DAAM1: variants seen among roughly 807,000 people sequenced by gnomAD.
DAAM1 encodes disheveled-associated activator of morphogenesis 1.
A neutral mutation model predicts 130.0 loss-of-function variants in DAAM1; 52 were observed. The observed-to-expected ratio is 0.40, with a 90% CI of 0.32 to 0.50. The LOEUF is 0.50. Among genes scored for constraint, DAAM1 ranks in the 20% least tolerant of loss-of-function variants. DAAM1 has a pLI of 0.61. For missense variants in DAAM1, 1,134 were observed against 1,303.8 expected (o/e 0.87, Z 2.01); for synonymous variants, 452 against 444.5 (o/e 1.02, Z -0.21).
chr14:59,326,064 C>G lies in DAAM1; in HGVS notation c.1161C>G (p.Cys387Trp). ...ATTTCATGTCCATCCTGCACCACTG[C>G]CTCCAAATGCCTTGTAAGTGTGTTC... ...YPHFMSILHH[C>W]LQMPYKRSGN... The change falls in exon 10 of 25, where the codon TGC becomes TGG. Residue 387 changes from cysteine (C) to tryptophan (W), a missense_variant. Around this residue, in one of 3 missense-constraint regions of DAAM1, gnomAD observed 391 missense variants for 521.6 expected, o/e 0.75. Coordinates refer to ENST00000360909, the MANE Select transcript of DAAM1 (RefSeq NM_001270520.2). 1 of 1,614,022 alleles carries G rather than the reference C, an allele frequency of 6.2e-7. No individual in the cohort carries two copies. Among genetic ancestry groups the G allele is most frequent in the South Asian group, 1.1e-5 (1 of 91,080 alleles).
chr14:59,224,680 G>A (rs1015415507), intron 1 of DAAM1, among the ~76,000 whole-genome samples: 1 of 152,240 alleles, frequency 6.6e-6, no homozygotes, highest in Non-Finnish European at 1.5e-5. Context: ...TGGAATTAAT[G>A]TATTTTGCAC....
chr14:59,363,653 G>A lies in DAAM1; in HGVS notation c.2697G>A (p.Glu899=), dbSNP rs1210609798. 2 of 1,614,060 alleles carry A rather than the reference G, an allele frequency of 1.2e-6. No homozygotes were observed. The highest frequency in any genetic ancestry group is 1.7e-4 in the Middle Eastern group (1 of 6,060). ...LRSGLKAVET[E]LEYQKSQPPQ... ...ATTATTCATTTCCTGTGTTTAAGGA[G>A]CTGGAATATCAGAAGTCTCAGCCCC... Residue 899 remains glutamate (E), a splice_region_variant and synonymous_variant, in exon 23 of 25, where the codon GAG becomes GAA. Coordinates refer to ENST00000360909, the MANE Select transcript of DAAM1 (RefSeq NM_001270520.2).
At chr14:59,302,241 G>A (rs1315510228) in intron 3 of DAAM1, among the ~76,000 whole-genome samples, 1 of 152,184 alleles carries the variant, frequency 6.6e-6, no homozygotes, top group Non-Finnish European at 1.5e-5. Context: ...TGCACTCCCT[G>A]TAACTGGGGA....
At chr14:59,364,136 G>T (rs1288727867) in intron 23 of DAAM1, among the ~76,000 whole-genome samples, 1 of 152,190 alleles carries the variant, frequency 6.6e-6, no homozygotes, top group Non-Finnish European at 1.5e-5. Context: ...AACCAGAAAA[G>T]AGTAGATGAT....
At position 59,324,351 on chromosome 14, in the gene DAAM1, G is replaced by C. The variant is rs1011536299; in HGVS notation, c.886G>C (p.Glu296Gln). ...NAVLSQGAGV[E>Q]SLDFRLHLRY... ...TATTTTATTGCCATTTTACTTTCAG[G>C]AGAGTTTGGACTTTAGACTTCATCT... Residue 296 changes from glutamate to glutamine, a missense_variant and splice_region_variant, in exon 8 of 25, where the codon GAG (glutamate) becomes CAG (glutamine). By Grantham distance (29) the Glu-to-Gln change is conservative. This residue lies in a region of DAAM1 where 391 missense variants were observed against 521.6 expected (regional missense o/e 0.75). Transcript: ENST00000360909. 1 of 1,561,320 alleles carries C rather than the reference G, an allele frequency of 6.4e-7. No individual in the cohort carries two copies. Among genetic ancestry groups the C allele is most frequent in the Non-Finnish European group, 8.7e-7 (1 of 1,153,482 alleles).
intron 16 of DAAM1, among the ~76,000 whole-genome samples, chr14:59,340,505 T>C (rs1885803168): frequency 6.6e-6 from 1 of 152,250 alleles, no homozygotes; most frequent in Non-Finnish European, 1.5e-5. Context: ...GATATTTTGG[T>C]CATTTAGTAG....
intron 2 of DAAM1, among the ~76,000 whole-genome samples, chr14:59,285,522 G>A (rs1407545072): frequency 6.6e-6 from 1 of 152,196 alleles, no homozygotes; most frequent in African/African-American, 2.4e-5. Flanking sequence ...CCCACTGTCT[G>A]CTGCCTTCAA....
intron 1 of DAAM1, among the ~76,000 whole-genome samples, chr14:59,215,278 G>A (rs973492976): frequency 6.6e-6 from 1 of 152,202 alleles, no homozygotes; most frequent in Non-Finnish European, 1.5e-5. Context: ...AGCTAGACAT[G>A]GAAGGTTCAA....
intron 1 of DAAM1, among the ~76,000 whole-genome samples, chr14:59,196,759 C>G (rs1187156165): frequency 6.6e-6 from 1 of 151,176 alleles, no homozygotes. Flanking sequence ...CAAAACAAAA[C>G]AAAACAAAAA....
At position 59,339,973 on chromosome 14, in the gene DAAM1, T is replaced by A. The variant is rs1045740024; in HGVS notation, c.1969-101T>A. On this transcript the variant is annotated intron_variant, in intron 15 of 24. Transcript: ENST00000360909. ...TCAGCCTTGCCCATGTGTATACGAG[T>A]GTGTGTATGTGTATATGAACAACAA... 5.4e-6 allele frequency: 5 copies of A among 926,652 alleles called. No individual in the cohort carries two copies. In the Admixed American group the frequency reaches 9.7e-5, roughly 18 times the overall value. The allele number at this position is 926,652 out of a possible 1,614,324, so 57.4% of individuals were successfully genotyped here. A position where few individuals can be genotyped will look rare whatever the true frequency, so the allele number is the denominator to read the frequency against.
chr14:59,351,308 T>C (rs1009227957), intron 17 of DAAM1, among the ~76,000 whole-genome samples: 2 of 152,154 alleles, frequency 1.3e-5, no homozygotes, highest in African/African-American at 4.8e-5. Context: ...TTTTAATCTC[T>C]TCTAATTCTT....
At chr14:59,243,508 C>T (rs540173491) in intron 1 of DAAM1, among the ~76,000 whole-genome samples, 1 of 152,300 alleles carries the variant, frequency 6.6e-6, no homozygotes, top group Non-Finnish European at 1.5e-5. Context: ...CATCCATGTG[C>T]AGATCAGTAC....
intron 1 of DAAM1, among the ~76,000 whole-genome samples, chr14:59,218,398 G>T (rs1888659695): frequency 6.6e-6 from 1 of 152,154 alleles, no homozygotes. Flanking sequence ...CCTGTTCCTA[G>T]CCTAGAGAGA....
chr14:59,237,135 A>T (rs989754528), intron 1 of DAAM1, among the ~76,000 whole-genome samples: 6 of 152,196 alleles, frequency 3.9e-5, no homozygotes, highest in African/African-American at 1.4e-4. Context: ...GCTGGAATAT[A>T]TGTGGAAAGG....
chr14:59,189,380 G>A (rs1887656541), intron 1 of DAAM1, among the ~76,000 whole-genome samples: 1 of 152,256 alleles, frequency 6.6e-6, no homozygotes, highest in East Asian at 1.9e-4. Context: ...TTTCAAAACA[G>A]AGAGAAGGGA....
At chr14:59,252,794 C>T (rs1398322484) in intron 1 of DAAM1, among the ~76,000 whole-genome samples, 1 of 152,226 alleles carries the variant, frequency 6.6e-6, no homozygotes, top group African/African-American at 2.4e-5. Flanking sequence ...TTCTTGAGTA[C>T]TTCAGGGTGC....
At chr14:59,340,275 C>T (rs1885795996) in intron 16 of DAAM1, 95 bp downstream of exon 16, 1 of 1,143,866 alleles carries the variant, frequency 8.7e-7, no homozygotes, top group African/African-American at 1.5e-5. Flanking sequence ...TAATTGTACT[C>T]TGCTGAGGTA....
At chr14:59,352,162 C>T (rs1158720549) in intron 17 of DAAM1, among the ~76,000 whole-genome samples, 2 of 152,166 alleles carry the variant, frequency 1.3e-5, no homozygotes, top group Non-Finnish European at 2.9e-5. Context: ...CTTTGTAATC[C>T]TGGGTGAGTG....
intron 1 of DAAM1, among the ~76,000 whole-genome samples, chr14:59,235,631 C>G (rs1312756934): frequency 6.6e-6 from 1 of 152,034 alleles, no homozygotes; most frequent in African/African-American, 2.4e-5. Context: ...TTTCATGTCT[C>G]TGTCTCCTTC....
Sources: gnomAD v4.1 joint callset for allele counts (sites outside exome capture counted in the v4.1 genomes callset) on GRCh38, gnomAD v4.1.1 for gene constraint, gnomAD v4.1.1 regional missense constraint, MANE v1.5 for transcripts, NCBI Gene and HGNC (gene_info 2026-07-23, HGNC 2026-07-21) for gene names.